Variants in CTNNA2 observed in about 807,000 individuals in gnomAD.
CTNNA2 encodes the protein catenin alpha-2.
A neutral mutation model predicts 101.0 loss-of-function variants in CTNNA2; 42 were observed. That is an observed-to-expected ratio of 0.42 (90% CI 0.32 to 0.54). The LOEUF is 0.54. Ranked by LOEUF, CTNNA2 falls within the 20% of genes least tolerant of loss-of-function variation. The pLI is 0.14. For missense variants in CTNNA2, 871 were observed against 1,223.1 expected (o/e 0.71, Z 4.29); for synonymous variants, 450 against 456.4 (o/e 0.99, Z 0.18).
intron 9 of CTNNA2, among the ~76,000 whole-genome samples, chr2:80,484,870 G>C (rs964443031): frequency 1.3e-5 from 2 of 152,018 alleles, no homozygotes; most frequent in African/African-American, 4.8e-5. Flanking sequence ...GCCGGGCAAG[G>C]TGGTGGGCAC....
At chr2:79,905,355 G>A (rs1216809428) in intron 6 of CTNNA2, among the ~76,000 whole-genome samples, 2 of 152,042 alleles carry the variant, frequency 1.3e-5, no homozygotes, top group Non-Finnish European at 2.9e-5. Flanking sequence ...GAACTAAAAG[G>A]TCAAAAAGAT....
intron 4 of CTNNA2, among the ~76,000 whole-genome samples, chr2:79,488,247 G>A (rs571248831): frequency 2.6e-5 from 4 of 151,038 alleles, no homozygotes; most frequent in African/African-American, 4.9e-5. Flanking sequence ...GAATTCGGGA[G>A]GCAGTGTTTG....
chr2:79,249,742 A>G (rs1189632489), intron 2 of CTNNA2, among the ~76,000 whole-genome samples: 1 of 152,172 alleles, frequency 6.6e-6, no homozygotes, highest in Non-Finnish European at 1.5e-5. Context: ...TTTATTCCAT[A>G]CAGAGAATTA....
chr2:80,263,379 G>T (rs189198941), intron 7 of CTNNA2, among the ~76,000 whole-genome samples: 3 of 152,280 alleles, frequency 2.0e-5, no homozygotes. Flanking sequence ...TGTTGCCCAG[G>T]CTGGAGTGCC....
chr2:79,890,323 C>G (rs751104115), intron 6 of CTNNA2, among the ~76,000 whole-genome samples: 11 of 152,092 alleles, frequency 7.2e-5, no homozygotes, highest in Non-Finnish European at 1.0e-4. Flanking sequence ...AAGATGCTGC[C>G]AAATAATCAT....
At position 80,303,020 on chromosome 2, in the gene CTNNA2, T is replaced by G. The variant is rs1676508898; in HGVS notation, c.1057-90191T>G. On this transcript the variant is annotated intron_variant, in intron 7 of 18. Coordinates refer to ENST00000402739, the MANE Select transcript of CTNNA2 (RefSeq NM_001282597.3). The surrounding 1 kb of genome is among the most constrained non-coding windows in gnomAD (Gnocchi z 7.7). Reference sequence around the variant, plus strand: ...CACATGGGGCTCCATGTACTCGATCTCGTTGCCCGACAAGTCCATTTTCTC... The same window carrying G: ...CACATGGGGCTCCATGTACTCGATCGCGTTGCCCGACAAGTCCATTTTCTC... 1.2e-6 allele frequency: 2 copies of G among 1,613,668 alleles called. No individual in the cohort carries two copies. Among genetic ancestry groups the G allele is most frequent in the South Asian group, 2.2e-5 (2 of 91,048 alleles).
At chr2:79,319,406 A>G (rs1206779384) in intron 3 of CTNNA2, among the ~76,000 whole-genome samples, 1 of 152,196 alleles carries the variant, frequency 6.6e-6, no homozygotes, top group Non-Finnish European at 1.5e-5. Context: ...GAACTCTGTC[A>G]TATTGCCATA....
intron 3 of CTNNA2, among the ~76,000 whole-genome samples, chr2:79,749,519 C>T (rs537761373): frequency 4.6e-5 from 7 of 151,930 alleles, no homozygotes; most frequent in African/African-American, 1.5e-4. Context: ...TATTATCTTC[C>T]TAATGTAAGT....
chr2:79,578,977 A>G (rs1053943455), intron 1 of CTNNA2, among the ~76,000 whole-genome samples: 10 of 152,050 alleles, frequency 6.6e-5, no homozygotes. Context: ...TTCCTGTCAT[A>G]TTTGACATTA....
chr2:80,012,077 G>T (rs1439596988), intron 7 of CTNNA2, among the ~76,000 whole-genome samples: 3 of 152,092 alleles, frequency 2.0e-5, no homozygotes, highest in Admixed American at 6.6e-5. Context: ...CACTGCTCTG[G>T]ATTCCAGTGA....
At chr2:80,514,958 G>A (rs148277775) in intron 9 of CTNNA2, among the ~76,000 whole-genome samples, 28 of 152,232 alleles carry the variant, frequency 1.8e-4, no homozygotes, top group East Asian at 7.7e-4. Context: ...TTGAAGGTGC[G>A]GTTTCATCAG....
chr2:79,778,182 A>T (rs746303955), intron 3 of CTNNA2, among the ~76,000 whole-genome samples: 1 of 152,008 alleles, frequency 6.6e-6, no homozygotes, highest in African/African-American at 2.4e-5. Flanking sequence ...TCTCTACTAA[A>T]AATACAAAAA....
chr2:79,329,938 C>T (rs1676833154), intron 3 of CTNNA2, among the ~76,000 whole-genome samples: 1 of 152,158 alleles, frequency 6.6e-6, no homozygotes, highest in African/African-American at 2.4e-5. Flanking sequence ...TTTGCCCCAG[C>T]AGGGTGGGTG....
chr2:79,809,517 A>G (rs1192289921), intron 3 of CTNNA2, among the ~76,000 whole-genome samples: 1 of 152,054 alleles, frequency 6.6e-6, no homozygotes, highest in Non-Finnish European at 1.5e-5. Context: ...TGTGGTTTTG[A>G]TTTGCATTTC....
chr2:80,305,308 C>G, intron 7 of CTNNA2: 1 of 985,272 alleles, frequency 1.0e-6, no homozygotes, highest in Non-Finnish European at 1.2e-6. Context: ...GGTGTGAGAT[C>G]CAGTGTGGCA....
intron 12 of CTNNA2, among the ~76,000 whole-genome samples, chr2:80,557,176 C>T (rs774033315): frequency 6.6e-6 from 1 of 152,116 alleles, no homozygotes; most frequent in African/African-American, 2.4e-5. Context: ...AACATCCTTA[C>T]AGACTTAGAC....
intron 18 of CTNNA2, among the ~76,000 whole-genome samples, chr2:80,643,629 G>A (rs1002259425): frequency 6.6e-6 from 1 of 152,174 alleles, no homozygotes; most frequent in Non-Finnish European, 1.5e-5. Context: ...TTGAGGAAGG[G>A]CTGAGAGGTG....
At chr2:80,006,204 T>C (rs1488162041) in intron 7 of CTNNA2, among the ~76,000 whole-genome samples, 1 of 152,098 alleles carries the variant, frequency 6.6e-6, no homozygotes, top group Non-Finnish European at 1.5e-5. Flanking sequence ...ACATGGAACT[T>C]GGGTGTTTCA....
intron 3 of CTNNA2, among the ~76,000 whole-genome samples, chr2:79,348,502 G>A (rs1219930901): frequency 6.6e-6 from 1 of 152,166 alleles, no homozygotes; most frequent in Non-Finnish European, 1.5e-5. Context: ...TATTCTGGGG[G>A]CGATCTAGAT....
Sources: allele counts gnomAD v4.1 joint callset (sites outside exome capture counted in the v4.1 genomes callset), GRCh38; gene constraint gnomAD v4.1.1; non-coding constraint Gnocchi (gnomAD v3.1); transcripts MANE v1.5; gene names NCBI Gene and HGNC (gene_info 2026-07-23, HGNC 2026-07-21).